The following PPIP5K2 variants were observed in gnomAD, a reference collection of about 807,000 sequenced individuals.
PPIP5K2 encodes the protein inositol hexakisphosphate and diphosphoinositol-pentakisphosphate kinase 2.
In PPIP5K2, 105 loss-of-function variants were observed where a neutral mutation model predicts 154.6. The ratio of observed to expected loss-of-function variants is 0.68; its 90% CI spans 0.58 to 0.80. The LOEUF (loss-of-function observed/expected upper bound fraction) is 0.80, where lower values mean the gene tolerates loss of function less well. Among genes scored for constraint, PPIP5K2 ranks in the 30% least tolerant of loss-of-function variants. PPIP5K2 has a pLI of 0.00. For missense variants in PPIP5K2, 992 were observed against 1,504.6 expected, an observed-to-expected ratio of 0.66 and a Z score of 5.64; for synonymous variants, 480 against 490.3, an observed-to-expected ratio of 0.98 and a Z score of 0.28.
At chr5:103,168,712 A>G (rs1301774737) in intron 19 of PPIP5K2, among the ~76,000 whole-genome samples, 1 of 151,640 alleles carries the variant, frequency 6.6e-6, no homozygotes, top group Non-Finnish European at 1.5e-5. Context: ...ATTAGGGTTC[A>G]CTCTTGGTGT....
intron 23 of PPIP5K2, among the ~76,000 whole-genome samples, chr5:103,179,037 A>G (rs1799127343): frequency 6.6e-6 from 1 of 151,906 alleles, no homozygotes; most frequent in Non-Finnish European, 1.5e-5. Context: ...TCATTCTAAT[A>G]ATTTACCCTT....
chr5:103,184,661 T>A lies in PPIP5K2; in HGVS notation c.3097-11T>A. The A allele has an allele frequency of 6.2e-7, 1 of 1,603,518 alleles. No individual in the cohort carries two copies. The highest frequency in any genetic ancestry group is 8.5e-7 in the Non-Finnish European group (1 of 1,170,870). On this transcript the variant is annotated splice_polypyrimidine_tract_variant and intron_variant, in intron 25 of 30. Transcript: ENST00000358359. ...CTCTTTTACTTCATTTATTTTGGATTCCTTATGCAGGTTGTATCTGAAAAT... is the reference window on the plus strand; with the variant it reads ...CTCTTTTACTTCATTTATTTTGGATACCTTATGCAGGTTGTATCTGAAAAT...
Position 103,158,206 on chromosome 5 carries a change from C to A in PPIP5K2, c.1508C>A (p.Pro503Gln). 6.2e-7 allele frequency: 1 copy of A among 1,613,434 alleles called. No homozygotes were observed. Among genetic ancestry groups the A allele is most frequent in the South Asian group, 1.1e-5 (1 of 91,062 alleles). The change falls in exon 15 of 31, where the codon CCA becomes CAA. Residue 503 changes from proline to glutamine, a missense_variant. Coordinates refer to ENST00000358359, the MANE Select transcript of PPIP5K2 (RefSeq NM_001276277.3). ...GTCATAGACAGCCGAAGAGAAGAACCATCTTTACTTTTGGTTCTAAAATGG... is the reference window on the plus strand; with the variant it reads ...GTCATAGACAGCCGAAGAGAAGAACAATCTTTACTTTTGGTTCTAAAATGG... ...SEEEDSRREE[P>Q]SLLLVLKWGG...
Position 103,186,316 on chromosome 5 carries a change from T to A in PPIP5K2, c.3170-4T>A, listed in dbSNP as rs1554224970. ...GTGTATGTATTTTCTCTAACTCCCATCAGGGTCTCACTGTGCGGGCCTGTT... is the reference window on the plus strand; with the variant it reads ...GTGTATGTATTTTCTCTAACTCCCAACAGGGTCTCACTGTGCGGGCCTGTT... On this transcript the variant is annotated splice_polypyrimidine_tract_variant and splice_region_variant and intron_variant, in intron 26 of 30. Transcript: ENST00000358359. 6.2e-7 allele frequency: 1 copy of A among 1,613,654 alleles called. No individual in the cohort carries two copies. The highest frequency in any genetic ancestry group is 1.7e-5 in the Admixed American group (1 of 59,926).
intron 19 of PPIP5K2, among the ~76,000 whole-genome samples, chr5:103,168,585 G>T (rs939965266): frequency 6.6e-6 from 1 of 151,596 alleles, no homozygotes; most frequent in Non-Finnish European, 1.5e-5. Flanking sequence ...TTTCCCATAT[G>T]CCCCTGCCTC....
chr5:103,147,968 A>G lies in PPIP5K2; in HGVS notation c.680A>G (p.Asn227Ser). The change falls in exon 7 of 31, where the codon AAT becomes AGT. Residue 227 changes from asparagine to serine, a missense_variant. Physicochemically the swap from Asn to Ser is conservative, Grantham distance 46. Coordinates refer to ENST00000358359, the MANE Select transcript of PPIP5K2 (RefSeq NM_001276277.3). ...SRSSVYSPES[N>S]VRKTGSYIYE... ...AGTAGTGTTTATTCTCCAGAAAGCA[A>G]TGTACGAAAAACAGGCTCATATATA... is the stretch of plus-strand genomic sequence containing the variant. 3 of 1,603,868 alleles carry G rather than the reference A, an allele frequency of 1.9e-6. No homozygotes were observed. Among genetic ancestry groups the G allele is most frequent in the African/African-American group, 1.3e-5 (1 of 74,736 alleles).
At position 103,211,208 on chromosome 5, in the gene PPIP5K2, C is replaced by G. The variant is rs1554232568; in HGVS notation, c.*9574C>G. On this transcript the variant is annotated 3_prime_UTR_variant, in exon 31 of 31. Coordinates refer to ENST00000358359, the MANE Select transcript of PPIP5K2 (RefSeq NM_001276277.3). ...TTCATTCCTTACTGCTTTCTGCCCTCCATTCTGACCAATGCTGCAACCACA... is the reference window on the plus strand; with the variant it reads ...TTCATTCCTTACTGCTTTCTGCCCTGCATTCTGACCAATGCTGCAACCACA... 6.6e-6 allele frequency: 1 copy of G among 152,078 alleles called. No homozygotes were observed. Among genetic ancestry groups the G allele is most frequent in the African/African-American group, 2.4e-5 (1 of 41,428 alleles). The allele number at this position is 152,078 out of a possible 1,614,324, so 9.4% of individuals were successfully genotyped here. A position where few individuals can be genotyped will look rare whatever the true frequency, so the allele number is the denominator to read the frequency against.
chr5:103,151,371 T>G lies in PPIP5K2; in HGVS notation c.1025T>G (p.Leu342Arg), dbSNP rs1794623685. The G allele has an allele frequency of 6.3e-7, 1 of 1,597,308 alleles. No homozygotes were observed. ...TATTATGATGACTGTGCAAAAATAC[T>G]TGGGTAAGAATTTTTAAATTTTTCT... ...MKYYDDCAKILGNIVMRELAP... is the reference protein window; with the variant it reads ...MKYYDDCAKIRGNIVMRELAP... The change falls in exon 9 of 31, where the codon CTT becomes CGT. Residue 342 changes from leucine (L) to arginine (R), a missense_variant. Physicochemically the swap from Leu to Arg is moderately radical, Grantham distance 102 (BLOSUM62 -2). This residue lies in a region of PPIP5K2 where 163 missense variants were observed against 285.2 expected (regional missense o/e 0.57). Transcript: ENST00000358359.
chr5:103,151,428 C>T, intron 9 of PPIP5K2, 54 bp downstream of exon 9: 5 of 1,363,974 alleles, frequency 3.7e-6, no homozygotes, highest in Non-Finnish European at 5.1e-6. Flanking sequence ...ATTCAGAAAC[C>T]AAATAACTGT....
At chr5:103,166,526 A>G (rs1298683576) in intron 17 of PPIP5K2, among the ~76,000 whole-genome samples, 2 of 152,064 alleles carry the variant, frequency 1.3e-5, no homozygotes, top group Non-Finnish European at 2.9e-5. Context: ...GTAAATTCCC[A>G]GGATCCTCCA....
intron 23 of PPIP5K2, among the ~76,000 whole-genome samples, chr5:103,178,675 A>C (rs782246986): frequency 2.6e-5 from 4 of 151,700 alleles, no homozygotes; most frequent in Non-Finnish European, 5.9e-5. Flanking sequence ...ATTTGGAGAA[A>C]AATGATACTT....
chr5:103,156,499 A>G (rs1795442591), intron 14 of PPIP5K2, among the ~76,000 whole-genome samples: 2 of 152,194 alleles, frequency 1.3e-5, no homozygotes. Flanking sequence ...CATTTACCTT[A>G]CAAAAGAAAA....
At chr5:103,173,425 A>G in intron 20 of PPIP5K2, 143 bp downstream of exon 20, 1 of 1,040,040 alleles carries the variant, frequency 9.6e-7, no homozygotes, top group Non-Finnish European at 1.4e-6. Context: ...TATTTCTATT[A>G]AGTTCCAACC....
intron 7 of PPIP5K2, among the ~76,000 whole-genome samples, chr5:103,148,569 G>T (rs1554210093): frequency 6.6e-6 from 1 of 151,948 alleles, no homozygotes; most frequent in Non-Finnish European, 1.5e-5. Flanking sequence ...ATTCTCTAGT[G>T]GATCCTTATT....
intron 30 of PPIP5K2, among the ~76,000 whole-genome samples, chr5:103,200,189 G>A (rs1405155184): frequency 6.6e-6 from 1 of 152,090 alleles, no homozygotes; most frequent in African/African-American, 2.4e-5. Context: ...CTTTAGCTGG[G>A]CTCCTTGGAC....
chr5:103,160,590 G>A (rs1796069802), intron 17 of PPIP5K2, among the ~76,000 whole-genome samples: 3 of 152,144 alleles, frequency 2.0e-5, no homozygotes, highest in Admixed American at 6.6e-5. Context: ...ATTAGACTTT[G>A]CAGTCCAAAT....
In PPIP5K2 at chr5:103,203,535, G is replaced by A. The variant is rs1409402264; in HGVS notation, c.*1901G>A. On this transcript the variant is annotated 3_prime_UTR_variant, in exon 31 of 31. Coordinates refer to ENST00000358359, the MANE Select transcript of PPIP5K2 (RefSeq NM_001276277.3). ...TACTGTATCAGAGCAAAATGTTATA[G>A]TTATCACTGTTTAGTGGCAGTTTGA... The A allele has an allele frequency of 6.6e-6, 1 of 152,110 alleles. No homozygotes were observed. The highest frequency in any genetic ancestry group is 1.5e-5 in the Non-Finnish European group (1 of 68,018). The allele number at this position is 152,110 out of a possible 1,614,324, so 9.4% of individuals were successfully genotyped here. A position where few individuals can be genotyped will look rare whatever the true frequency, so the allele number is the denominator to read the frequency against.
Position 103,190,981 on chromosome 5 carries a change from T to C in PPIP5K2, c.3492T>C (p.Ile1164=), listed in dbSNP as rs782703080. ...SSDVPRKTAE[I]SSTALRSSPI... ...ACGTTCCACGGAAGACCGCTGAAAT[T>C]TGTAGGAAATTTTTCTTTCATTGTT... Residue 1164 remains isoleucine, a splice_region_variant and synonymous_variant, in exon 29 of 31, where the codon ATT becomes ATC. Coordinates refer to ENST00000358359, the MANE Select transcript of PPIP5K2 (RefSeq NM_001276277.3). 6.2e-7 allele frequency: 1 copy of C among 1,602,148 alleles called. No homozygotes were observed. The highest frequency in any genetic ancestry group is 1.4e-5 in the African/African-American group (1 of 73,966).
intron 8 of PPIP5K2, among the ~76,000 whole-genome samples, chr5:103,150,967 G>A (rs560891466): frequency 7.1e-6 from 1 of 141,832 alleles, no homozygotes; most frequent in East Asian, 2.2e-4. Flanking sequence ...GAAGAACTTT[G>A]TGATCAAATA....
Sources: allele counts gnomAD v4.1 joint callset (sites outside exome capture counted in the v4.1 genomes callset), GRCh38; gene constraint gnomAD v4.1.1; regional missense constraint gnomAD v4.1.1; transcripts MANE v1.5; gene names NCBI Gene and HGNC (gene_info 2026-07-23, HGNC 2026-07-21).